Variants in TAGLN3 observed in about 807,000 individuals in gnomAD.
TAGLN3 encodes transgelin-3.
Under a neutral mutation model 25.4 loss-of-function variants are expected in TAGLN3, and 12 were observed. The observed-to-expected ratio is 0.47, with a 90% CI of 0.30 to 0.77. The LOEUF is 0.77. Among genes scored for constraint, TAGLN3 ranks in the 30% least tolerant of loss-of-function variants. The pLI is 0.06. For synonymous variants in TAGLN3, 96 were observed against 94.8 expected (o/e 1.01, Z -0.08); for missense variants, 218 against 255.8 (o/e 0.85, Z 1.01).
chr3:112,010,665 A>G (rs1319663985), intron 3 of TAGLN3, among the ~76,000 whole-genome samples: 1 of 152,118 alleles, frequency 6.6e-6, no homozygotes, highest in East Asian at 1.9e-4. Flanking sequence ...CATTGACAGC[A>G]TTTTATCCTT....
intron 4 of TAGLN3, among the ~76,000 whole-genome samples, chr3:112,012,618 T>TAA (rs937002759): frequency 2.8e-5 from 4 of 145,408 alleles, no homozygotes; most frequent in African/African-American, 1.0e-4. Flanking sequence ...TGACAGTTAT[T>TAA]AAAAAAAAAA....
intron 3 of TAGLN3, among the ~76,000 whole-genome samples, chr3:112,010,704 C>T (rs1220588627): frequency 6.6e-6 from 1 of 152,198 alleles, no homozygotes; most frequent in East Asian, 1.9e-4. Context: ...CACAGGGCCT[C>T]AGGATTCAGG....
intron 3 of TAGLN3, among the ~76,000 whole-genome samples, chr3:112,008,146 G>A (rs2072937824): frequency 6.6e-6 from 1 of 152,114 alleles, no homozygotes; most frequent in Non-Finnish European, 1.5e-5. Flanking sequence ...TATTTTAAAA[G>A]AGATGCCCCC....
intron 3 of TAGLN3, among the ~76,000 whole-genome samples, chr3:112,010,487 T>C (rs2072963861): frequency 6.6e-6 from 1 of 152,252 alleles, no homozygotes; most frequent in Non-Finnish European, 1.5e-5. Flanking sequence ...TGTCCCATTA[T>C]ATGGTGACAA....
intron 3 of TAGLN3, among the ~76,000 whole-genome samples, chr3:112,001,359 A>G (rs1348851475): frequency 6.6e-6 from 1 of 152,248 alleles, no homozygotes. Context: ...CAATCTGAGA[A>G]ATAGATAGCA....
In TAGLN3 at chr3:112,011,848, G is replaced by T; in HGVS notation, c.441G>T (p.Glu147Asp). 6.2e-7 allele frequency: 1 copy of T among 1,613,832 alleles called. No homozygotes were observed. Among genetic ancestry groups the T allele is most frequent in the Non-Finnish European group, 8.5e-7 (1 of 1,179,858 alleles). The part of the protein sequence containing the change: ...VTKDDGCYRG[E>D]PSWFHRKAQQ... ...AGGATGATGGCTGCTATCGGGGAGA[G>T]CCATCCTGGTTTCACAGGTAAAAGC... Residue 147 changes from glutamate to aspartate, a missense_variant, in exon 4 of 5, where the codon GAG (glutamate) becomes GAT (aspartate). Transcript: ENST00000478951.
chr3:112,008,847 GC>G (rs1171854139), intron 3 of TAGLN3, among the ~76,000 whole-genome samples: 2 of 152,128 alleles, frequency 1.3e-5, no homozygotes, highest in African/African-American at 4.8e-5. Context: ...CATTTTTGTT[GC>G]TTTAAAGGAA....
intron 3 of TAGLN3, among the ~76,000 whole-genome samples, chr3:112,002,516 A>T (rs1051111375): frequency 4.6e-5 from 7 of 152,258 alleles, no homozygotes; most frequent in East Asian, 3.9e-4. Context: ...CTGTTGAATC[A>T]TAATGGTGAC....
At chr3:112,001,481 G>C (rs1239588981) in intron 3 of TAGLN3, among the ~76,000 whole-genome samples, 1 of 152,144 alleles carries the variant, frequency 6.6e-6, no homozygotes, top group Non-Finnish European at 1.5e-5. Context: ...GAATTGACTT[G>C]CTGAGGAAAT....
chr3:112,002,238 GT>G (rs1266748975), intron 3 of TAGLN3, among the ~76,000 whole-genome samples: 19 of 152,188 alleles, frequency 1.2e-4, no homozygotes, highest in African/African-American at 4.6e-4. Context: ...GCTTATTGAT[GT>G]TTTCCTATGC....
chr3:112,005,674 C>CTGCTCG (rs1385269198), intron 3 of TAGLN3, among the ~76,000 whole-genome samples: 1 of 149,968 alleles, frequency 6.7e-6, no homozygotes, highest in Non-Finnish European at 1.5e-5. Context: ...CAAGTGTCTG[C>CTGCTCG]TGCTCGAAGC....
chr3:112,000,743 T>C (rs371839821), intron 2 of TAGLN3, 29 bp from the exon 3 acceptor site: 5 of 1,604,360 alleles, frequency 3.1e-6, no homozygotes, highest in African/African-American at 2.7e-5. Context: ...AAGGGAAACA[T>C]TGATTCTGTC....
rs898506813 is a variant in TAGLN3, at chr3:112,011,806, C to G, written c.399C>G (p.Gly133=). The G allele has an allele frequency of 1.2e-6, 2 of 1,613,726 alleles. No homozygotes were observed. Among genetic ancestry groups the G allele is most frequent in the Admixed American group, 1.7e-5 (1 of 59,976 alleles). ...AAVQRTLMAL[G]SVAVTKDDGC... The stretch of plus-strand genomic sequence containing the variant: ...TGCAGAGGACCCTGATGGCTTTAGG[C>G]AGCGTTGCAGTCACCAAGGATGATG... The change falls in exon 4 of 5, where the codon GGC becomes GGG. Residue 133 remains glycine, a synonymous_variant. Coordinates refer to ENST00000478951, the MANE Select transcript of TAGLN3 (RefSeq NM_001008272.2).
In TAGLN3 at chr3:112,011,828, G is replaced by A; in HGVS notation, c.421G>A (p.Asp141Asn). ...AGGCAGCGTTGCAGTCACCAAGGAT[G>A]ATGGCTGCTATCGGGGAGAGCCATC... ...ALGSVAVTKD[D>N]GCYRGEPSWF... The change falls in exon 4 of 5, where the codon GAT becomes AAT. Residue 141 changes from aspartate to asparagine, a missense_variant. Coordinates refer to ENST00000478951, the MANE Select transcript of TAGLN3 (RefSeq NM_001008272.2). The A allele has an allele frequency of 6.2e-7, 1 of 1,614,050 alleles. No homozygotes were observed. Among genetic ancestry groups the A allele is most frequent in the Non-Finnish European group, 8.5e-7 (1 of 1,179,940 alleles).
chr3:112,011,090 C>A (rs1419194384), intron 3 of TAGLN3, among the ~76,000 whole-genome samples: 1 of 152,190 alleles, frequency 6.6e-6, no homozygotes, highest in Non-Finnish European at 1.5e-5. Flanking sequence ...TGGTCTGATT[C>A]TAAATTGCAG....
At chr3:112,006,088 G>A (rs372844524) in intron 3 of TAGLN3, among the ~76,000 whole-genome samples, 3 of 152,180 alleles carry the variant, frequency 2.0e-5, no homozygotes, top group Non-Finnish European at 2.9e-5. Flanking sequence ...CAGAGCAGCC[G>A]TCACTGCATT....
At chr3:112,007,332 T>C (rs534064589) in intron 3 of TAGLN3, among the ~76,000 whole-genome samples, 48 of 152,332 alleles carry the variant, frequency 3.2e-4, no homozygotes, top group African/African-American at 1.2e-3. Flanking sequence ...AAATGTATAA[T>C]GACGCATATT....
Position 112,011,767 on chromosome 3 carries a change from G to A in TAGLN3, c.360G>A (p.Lys120=). 2 of 1,611,548 alleles carry A rather than the reference G, an allele frequency of 1.2e-6. No homozygotes were observed. Among genetic ancestry groups the A allele is most frequent in the Non-Finnish European group, 1.7e-6 (2 of 1,178,748 alleles). Residue 120 remains lysine (K), a synonymous_variant, in exon 4 of 5, where the codon AAG becomes AAA. Coordinates refer to ENST00000478951, the MANE Select transcript of TAGLN3 (RefSeq NM_001008272.2). ...AAGCTCTTTGTTGGCTTCCAGGGAA[G>A]GACATGGCAGCTGTGCAGAGGACCC... ...IFQTVDLWEG[K]DMAAVQRTLM... is the part of the protein sequence containing the mutation.
At chr3:111,999,349 C>A (rs2072826332) in intron 1 of TAGLN3, 72 bp from the exon 2 acceptor site, 3 of 1,547,710 alleles carry the variant, frequency 1.9e-6, no homozygotes, top group African/African-American at 1.4e-5. Context: ...ATCCCAGCCC[C>A]GTCTGCAGGG....
Sources: gnomAD v4.1 joint callset for allele counts (sites outside exome capture counted in the v4.1 genomes callset) on GRCh38, gnomAD v4.1.1 for gene constraint, MANE v1.5 for transcripts, NCBI Gene and HGNC (gene_info 2026-07-23, HGNC 2026-07-21) for gene names.